CSMD3: variants seen among roughly 807,000 people sequenced by gnomAD.
CSMD3 encodes CUB and sushi domain-containing protein 3.
A neutral mutation model predicts 435.2 loss-of-function variants in CSMD3; 177 were observed. That is an observed-to-expected ratio of 0.41 (90% CI 0.36 to 0.46). The LOEUF (loss-of-function observed/expected upper bound fraction) is 0.46. CSMD3 is among the 20% of genes least tolerant of loss of function. The probability of loss-of-function intolerance (pLI) is 0.34; values close to 1 mark genes in which losing one functional copy is unlikely to be tolerated. For missense variants in CSMD3, 4,265 were observed against 4,504.6 expected (o/e 0.95, Z 1.52); for synonymous variants, 1,656 against 1,520.5 (o/e 1.09, Z -2.07).
intron 1 of CSMD3, among the ~76,000 whole-genome samples, chr8:113,375,879 ATAAG>A (rs1318861168): frequency 2.6e-5 from 4 of 152,198 alleles, no homozygotes; most frequent in African/African-American, 9.7e-5. Flanking sequence ...AAAACTTAAA[ATAAG>A]TATCAGAAGT....
At chr8:112,976,289 A>G in intron 6 of CSMD3, 141 bp from the exon 7 acceptor site, 1 of 963,892 alleles carries the variant, frequency 1.0e-6, no homozygotes, top group Non-Finnish European at 1.6e-6. Flanking sequence ...ACACGCGAGT[A>G]AATTGTGAAG....
chr8:112,961,103 G>A (rs567470426), intron 7 of CSMD3, among the ~76,000 whole-genome samples: 1 of 151,674 alleles, frequency 6.6e-6, no homozygotes, highest in African/African-American at 2.4e-5. Flanking sequence ...AAATCAACAT[G>A]TAGCAAGAAT....
rs994366581 is a variant in CSMD3, at chr8:112,385,446, C to T, written c.5935-1783G>A. ...AGCATAGCAACTATGCACTTCAAGACGTGGTGATATCTTCAGTTTTCCAAT... is the reference window on the plus strand; with the variant it reads ...AGCATAGCAACTATGCACTTCAAGATGTGGTGATATCTTCAGTTTTCCAAT... On this transcript the variant is annotated intron_variant, in intron 36 of 70. Transcript: ENST00000297405. 3.9e-5 allele frequency among the ~76,000 whole-genome samples: 6 copies of T among 152,266 alleles called. No individual in the cohort carries two copies. The South Asian group carries it at 8.3e-4, about 21-fold the overall frequency.
At chr8:113,013,327 A>C (rs977552451) in intron 6 of CSMD3, among the ~76,000 whole-genome samples, 14 of 152,094 alleles carry the variant, frequency 9.2e-5, no homozygotes, top group African/African-American at 3.1e-4. Context: ...TTTATGTTTC[A>C]TCACAATATT....
At chr8:112,874,854 G>A (rs1243311862) in intron 10 of CSMD3, among the ~76,000 whole-genome samples, 1 of 152,022 alleles carries the variant, frequency 6.6e-6, no homozygotes, top group Non-Finnish European at 1.5e-5. Context: ...ACACCAATGG[G>A]TCTTGACTCT....
intron 10 of CSMD3, among the ~76,000 whole-genome samples, chr8:112,859,843 T>C (rs1220308216): frequency 6.6e-6 from 1 of 151,788 alleles, no homozygotes; most frequent in Non-Finnish European, 1.5e-5. Flanking sequence ...CCCATCTTTC[T>C]TCTACTTAAT....
Position 112,239,874 on chromosome 8 carries a change from C to A in CSMD3, c.10468+1846G>T, listed in dbSNP as rs537067783. On this transcript the variant is annotated intron_variant, in intron 66 of 70. Transcript: ENST00000297405. ...ATTCTTCTACTGTTTTGGGCGGTTG[C>A]CTGTTTTTATTATTACATTGATTTC... is the stretch of plus-strand genomic sequence containing the variant. Among the ~76,000 whole-genome samples the A allele has an allele frequency of 1.8e-3, 270 of 152,008 alleles. 1 individual carries two copies. The highest frequency in any genetic ancestry group is 6.3e-3 in the African/African-American group (261 of 41,504).
chr8:112,905,306 G>GTATATA (rs543479550), intron 10 of CSMD3, among the ~76,000 whole-genome samples: 80 of 129,890 alleles, frequency 6.2e-4, no homozygotes, highest in African/African-American at 2.0e-3. Context: ...TATACTATGT[G>GTATATA]TATATATATA....
At chr8:112,505,608 T>A (rs1379628587) in intron 29 of CSMD3, among the ~76,000 whole-genome samples, 1 of 152,132 alleles carries the variant, frequency 6.6e-6, no homozygotes, top group Non-Finnish European at 1.5e-5. Context: ...CTTCAAGTAT[T>A]GTAACTTCTT....
chr8:113,402,480 G>T (rs958454464), intron 1 of CSMD3, among the ~76,000 whole-genome samples: 4 of 151,118 alleles, frequency 2.6e-5, no homozygotes, highest in Non-Finnish European at 5.9e-5. Context: ...ATCCCCAAAG[G>T]GTATATCTGT....
At chr8:112,503,175 G>T (rs1247928309) in intron 30 of CSMD3, among the ~76,000 whole-genome samples, 1 of 152,090 alleles carries the variant, frequency 6.6e-6, no homozygotes, top group Admixed American at 6.6e-5. Flanking sequence ...TTCATCTCCT[G>T]GGCTCAAGTG....
chr8:112,804,303 T>G (rs992848923), intron 12 of CSMD3, among the ~76,000 whole-genome samples: 2 of 150,438 alleles, frequency 1.3e-5, no homozygotes, highest in Admixed American at 6.6e-5. Flanking sequence ...TGGGACAATC[T>G]AGAGAAATGT....
At chr8:113,177,327 T>G (rs896429374) in intron 3 of CSMD3, among the ~76,000 whole-genome samples, 4 of 152,038 alleles carry the variant, frequency 2.6e-5, no homozygotes, top group African/African-American at 7.2e-5. Flanking sequence ...AGAATTTTTT[T>G]GTAATTCATC....
At chr8:112,262,480 G>A (rs1816512922) in intron 61 of CSMD3, among the ~76,000 whole-genome samples, 1 of 152,198 alleles carries the variant, frequency 6.6e-6, no homozygotes, top group African/African-American at 2.4e-5. Context: ...AAATAAACAA[G>A]ATAAGTAAAA....
At chr8:112,772,332 T>G (rs2078138888) in intron 13 of CSMD3, among the ~76,000 whole-genome samples, 1 of 152,104 alleles carries the variant, frequency 6.6e-6, no homozygotes, top group African/African-American at 2.4e-5. Context: ...CTAAGACATG[T>G]GCTGTGTCAA....
chr8:112,692,642 T>C (rs16883959), intron 13 of CSMD3, among the ~76,000 whole-genome samples: 1,871 of 152,306 alleles, frequency 0.012, 37 homozygotes, highest in African/African-American at 0.043. Context: ...TCACATACTT[T>C]AAAGCATCAT....
At chr8:113,102,479 T>C (rs2090358118) in intron 4 of CSMD3, among the ~76,000 whole-genome samples, 1 of 152,148 alleles carries the variant, frequency 6.6e-6, no homozygotes, top group South Asian at 2.1e-4. Flanking sequence ...ATTCTATTAG[T>C]GAGTCAGGCT....
intron 45 of CSMD3, among the ~76,000 whole-genome samples, chr8:112,322,383 G>A (rs1199535761): frequency 1.3e-5 from 2 of 152,012 alleles, no homozygotes; most frequent in Admixed American, 1.3e-4. Context: ...TGGGTGCTGT[G>A]AGCTAATGTC....
At chr8:112,987,976 C>T (rs1278710469) in intron 6 of CSMD3, among the ~76,000 whole-genome samples, 2 of 151,936 alleles carry the variant, frequency 1.3e-5, no homozygotes, top group African/African-American at 4.8e-5. Flanking sequence ...AGATGATGTA[C>T]ACATCATCTC....
Sources: allele counts gnomAD v4.1 joint callset (sites outside exome capture counted in the v4.1 genomes callset), GRCh38; gene constraint gnomAD v4.1.1; transcripts MANE v1.5; gene names NCBI Gene and HGNC (gene_info 2026-07-23, HGNC 2026-07-21).